PSD3: variants seen among roughly 807,000 people sequenced by gnomAD.
PSD3 encodes pleckstrin and Sec7 domain containing 3, also known as PH and SEC7 domain-containing protein 3.
PSD3 carries 49 observed loss-of-function variants against 105.5 expected under a neutral mutation model. The ratio of observed to expected loss-of-function variants is 0.46; its 90% CI spans 0.37 to 0.59. The LOEUF (loss-of-function observed/expected upper bound fraction) is 0.59, where lower values mean the gene tolerates loss of function less well. PSD3 is among the 20% of genes least tolerant of loss of function. PSD3 has a pLI of 0.00. For missense variants in PSD3, 1,561 were observed against 1,263.8 expected, an observed-to-expected ratio of 1.24 and a Z score of -3.57; for synonymous variants, 557 against 457.8, an observed-to-expected ratio of 1.22 and a Z score of -2.77.
At chr8:18,766,687 A>G (rs945919679) in intron 8 of PSD3, among the ~76,000 whole-genome samples, 1 of 152,218 alleles carries the variant, frequency 6.6e-6, no homozygotes, top group Non-Finnish European at 1.5e-5. Flanking sequence ...AAATGCTGGC[A>G]GAGGAAAGAA....
At chr8:18,949,794 C>T (rs1379463797) in intron 1 of PSD3, among the ~76,000 whole-genome samples, 1 of 152,108 alleles carries the variant, frequency 6.6e-6, no homozygotes, top group African/African-American at 2.4e-5. Flanking sequence ...GCATAAGGTC[C>T]TGAAAATATA....
chr8:18,752,105 T>C (rs1247698957), intron 9 of PSD3, among the ~76,000 whole-genome samples: 5 of 151,766 alleles, frequency 3.3e-5, no homozygotes, highest in Non-Finnish European at 7.4e-5. Context: ...GGAGAATCAC[T>C]TGAACCCAGG....
chr8:18,558,791 A>G (rs1187153773), intron 14 of PSD3, among the ~76,000 whole-genome samples: 1 of 152,232 alleles, frequency 6.6e-6, no homozygotes, highest in Non-Finnish European at 1.5e-5. Context: ...ACTGCACTCC[A>G]GTCTGGGTGA....
chr8:18,748,660 CAAAAAAAAA>C (rs760372508), intron 9 of PSD3, among the ~76,000 whole-genome samples: 3 of 54,752 alleles, frequency 5.5e-5, no homozygotes, highest in African/African-American at 2.0e-4. Flanking sequence ...ACTCCGTCTC[CAAAAAAAAA>C]AAAAAAAAAA....
At chr8:18,796,229 C>T (rs186464322) in intron 8 of PSD3, among the ~76,000 whole-genome samples, 2 of 152,180 alleles carry the variant, frequency 1.3e-5, no homozygotes, top group Admixed American at 1.3e-4. Context: ...AGAAGTTTAA[C>T]ATGATCCAAC....
chr8:18,564,523 G>A (rs536348206), intron 14 of PSD3, among the ~76,000 whole-genome samples: 2 of 152,090 alleles, frequency 1.3e-5, no homozygotes, highest in African/African-American at 4.8e-5. Flanking sequence ...CAGCTACTTG[G>A]GAGGCTGAGG....
At chr8:18,671,639 G>T (rs898427705) in intron 9 of PSD3, among the ~76,000 whole-genome samples, 2 of 145,496 alleles carry the variant, frequency 1.4e-5, no homozygotes, top group African/African-American at 2.5e-5. Flanking sequence ...TTTGTTTTTT[G>T]TTTTTTTTTT....
chr8:18,893,720 C>G (rs6997953), intron 2 of PSD3, among the ~76,000 whole-genome samples: 5 of 138,820 alleles, frequency 3.6e-5, no homozygotes, highest in South Asian at 2.5e-4. Context: ...AGGCCCAGGC[C>G]CAGGAGCAGA....
chr8:18,590,287 A>C (rs537279383), intron 12 of PSD3, among the ~76,000 whole-genome samples: 6 of 152,288 alleles, frequency 3.9e-5, no homozygotes, highest in African/African-American at 1.2e-4. Context: ...CGTGCATACC[A>C]TGAGGGGTCG....
At chr8:18,961,023 T>A (rs1823878161) in intron 1 of PSD3, among the ~76,000 whole-genome samples, 1 of 152,074 alleles carries the variant, frequency 6.6e-6, no homozygotes, top group Admixed American at 6.6e-5. Flanking sequence ...GGGAGGTCGA[T>A]GCTGCAGTGA....
At chr8:19,041,369 A>G (rs1828118752) in intron 1 of PSD3, among the ~76,000 whole-genome samples, 1 of 152,192 alleles carries the variant, frequency 6.6e-6, no homozygotes, top group African/African-American at 2.4e-5. Context: ...TACGATACTC[A>G]TTTTAGTTAT....
intron 6 of PSD3, among the ~76,000 whole-genome samples, chr8:18,804,136 T>C (rs944060437): frequency 7.2e-5 from 11 of 152,142 alleles, no homozygotes; most frequent in Admixed American, 5.2e-4. Context: ...ATATCTATAA[T>C]ACAATTTGAG....
intron 9 of PSD3, chr8:18,730,406 T>C (rs968656125): frequency 1.3e-5 from 2 of 152,214 alleles, no homozygotes; most frequent in African/African-American, 4.8e-5. Flanking sequence ...TTATCTAGCT[T>C]TGACTTGTCA....
At chr8:18,991,310 C>G (rs141256460) in intron 1 of PSD3, among the ~76,000 whole-genome samples, 1 of 151,788 alleles carries the variant, frequency 6.6e-6, no homozygotes, top group East Asian at 1.9e-4. Context: ...TGTTTACTCT[C>G]TCGGACAATA....
chr8:18,868,721 C>G (rs540604473), intron 3 of PSD3, among the ~76,000 whole-genome samples: 1 of 152,212 alleles, frequency 6.6e-6, no homozygotes. Flanking sequence ...AGGGCATTCA[C>G]TTTGGCACAC....
chr8:19,020,844 A>G (rs529416715), intron 1 of PSD3, among the ~76,000 whole-genome samples: 24 of 152,328 alleles, frequency 1.6e-4, no homozygotes, highest in African/African-American at 5.5e-4. Context: ...ATGGAGTTAC[A>G]TTAACTAACT....
chr8:18,780,432 T>C (rs1808495488), intron 8 of PSD3, among the ~76,000 whole-genome samples: 1 of 152,172 alleles, frequency 6.6e-6, no homozygotes, highest in Non-Finnish European at 1.5e-5. Context: ...TATTATTCAG[T>C]ACTTAATTCC....
chr8:18,967,178 G>A (rs1305821564), intron 1 of PSD3, among the ~76,000 whole-genome samples: 3 of 149,002 alleles, frequency 2.0e-5, no homozygotes, highest in South Asian at 2.1e-4. Flanking sequence ...TTTTTGAGAC[G>A]GAGTTTCACT....
chr8:18,883,723 T>G (rs1818271099), intron 2 of PSD3, among the ~76,000 whole-genome samples: 1 of 152,184 alleles, frequency 6.6e-6, no homozygotes, highest in Non-Finnish European at 1.5e-5. Flanking sequence ...GCTTTTAAAA[T>G]AGAAATGTAC....
Sources: gnomAD v4.1 joint callset for allele counts (sites outside exome capture counted in the v4.1 genomes callset) on GRCh38, gnomAD v4.1.1 for gene constraint, MANE v1.5 for transcripts, NCBI Gene and HGNC (gene_info 2026-07-23, HGNC 2026-07-21) for gene names.